CTSC: variants seen among roughly 807,000 people sequenced by gnomAD.
The protein encoded by CTSC is dipeptidyl peptidase 1.
In CTSC, 37 loss-of-function variants were observed where a neutral mutation model predicts 40.9. The observed-to-expected ratio is 0.91, with a 90% CI of 0.70 to 1.19. The LOEUF (loss-of-function observed/expected upper bound fraction) is 1.19, where lower values mean the gene tolerates loss of function less well. Ranked by LOEUF, CTSC falls within the 50% of genes most tolerant of loss-of-function variation. CTSC has a pLI of 0.00. For synonymous variants in CTSC, 232 were observed against 207.4 expected (o/e 1.12, Z -1.02); for missense variants, 594 against 567.3 (o/e 1.05, Z -0.48).
intron 5 of CTSC, among the ~76,000 whole-genome samples, 198 bp downstream of exon 5, chr11:88,300,332 G>T (rs1188308232): frequency 6.6e-6 from 1 of 152,196 alleles, no homozygotes; most frequent in African/African-American, 2.4e-5. Context: ...GCTAAGCTCA[G>T]TAGAAAAGAA....
At chr11:88,307,556 C>CTTTT (rs5793311) in intron 4 of CTSC, among the ~76,000 whole-genome samples, 124 of 73,434 alleles carry the variant, frequency 1.7e-3, no homozygotes, top group East Asian at 3.3e-3. Flanking sequence ...ATACTGATAA[C>CTTTT]TTTTTTTTTT....
At chr11:88,336,892 A>G (rs1376996809) in intron 1 of CTSC, among the ~76,000 whole-genome samples, 2 of 152,220 alleles carry the variant, frequency 1.3e-5, no homozygotes, top group African/African-American at 2.4e-5. Flanking sequence ...GACTCTGGGC[A>G]TTTCTAATTA....
intron 1 of CTSC, 143 bp downstream of exon 1, chr11:88,337,358 C>T: frequency 1.2e-6 from 1 of 832,946 alleles, no homozygotes; most frequent in Non-Finnish European, 2.0e-6. Flanking sequence ...GGAAGAAGGT[C>T]CCCAAGGGTC....
intron 4 of CTSC, among the ~76,000 whole-genome samples, chr11:88,304,759 G>T (rs960138934): frequency 1.3e-5 from 2 of 152,164 alleles, no homozygotes; most frequent in Non-Finnish European, 2.9e-5. Flanking sequence ...GTGACCTCTG[G>T]TCTTCCTCAC....
chr11:88,309,905 T>C (rs916277248), intron 3 of CTSC, among the ~76,000 whole-genome samples: 1 of 151,890 alleles, frequency 6.6e-6, no homozygotes, highest in African/African-American at 2.4e-5. Flanking sequence ...TGGCATGAGA[T>C]GCCAAGCTTT....
chr11:88,333,248 A>G (rs1938409048), intron 2 of CTSC, among the ~76,000 whole-genome samples: 1 of 152,220 alleles, frequency 6.6e-6, no homozygotes, highest in Non-Finnish European at 1.5e-5. Context: ...TTAAGAATCA[A>G]AAGTTTTCTA....
chr11:88,302,659 T>C (rs1591224019), intron 4 of CTSC, among the ~76,000 whole-genome samples: 1 of 133,488 alleles, frequency 7.5e-6, no homozygotes, highest in African/African-American at 2.8e-5. Context: ...AAAGAATACA[T>C]GACAAAATGG....
intron 2 of CTSC, chr11:88,323,737 C>T (rs961759100): frequency 2.0e-5 from 3 of 152,048 alleles, no homozygotes; most frequent in Non-Finnish European, 2.9e-5. Context: ...AGGAGAACTA[C>T]AAACCACTAC....
rs768800426 is a variant in CTSC, at chr11:88,293,993, T to G, written c.*13A>C. 1.2e-6 allele frequency: 2 copies of G among 1,613,666 alleles called. No individual in the cohort carries two copies. The highest frequency in any genetic ancestry group is 1.7e-6 in the Non-Finnish European group (2 of 1,179,914). ...ACTGATGCAGATCATTATGAAATAC[T>G]GGAAGGCATACCCTACAATTTAGGA... On this transcript the variant is annotated 3_prime_UTR_variant, in exon 7 of 7. Transcript: ENST00000227266.
intron 2 of CTSC, among the ~76,000 whole-genome samples, chr11:88,333,261 T>C (rs1431018241): frequency 6.6e-6 from 1 of 152,206 alleles, no homozygotes; most frequent in Non-Finnish European, 1.5e-5. Context: ...GTTTTCTAAG[T>C]CAAAAGAATA....
rs1565264501 is a variant in CTSC, at chr11:88,329,720, G to A, written c.318+5217C>T. Among the ~76,000 whole-genome samples the A allele has an allele frequency of 2.0e-5, 3 of 152,064 alleles. No individual in the cohort carries two copies. The South Asian group carries it at 6.2e-4, about 32-fold the overall frequency. On this transcript the variant is annotated intron_variant, in intron 2 of 6. Transcript: ENST00000227266. ...ATTCTGTTTCGTGTTGTTACATTGT[G>A]TGTGTGTGTGTTTTGTTTTGTTTGG... is the stretch of plus-strand genomic sequence containing the variant.
chr11:88,300,429 T>C (rs1460297187), intron 5 of CTSC, 101 bp downstream of exon 5: 1 of 747,950 alleles, frequency 1.3e-6, no homozygotes. Flanking sequence ...AAGGGGATCA[T>C]GCCCATTCCA....
Position 88,296,215 on chromosome 11 carries a change from CGCTTCTAGCATACCCATAGAA to C in CTSC, c.786_806del (p.Ser263_Ala269del). 6.2e-7 allele frequency: 1 copy of C among 1,613,992 alleles called. No homozygotes were observed. Among genetic ancestry groups the C allele is most frequent in the Non-Finnish European group, 8.5e-7 (1 of 1,179,932 alleles). The stretch of plus-strand genomic sequence containing the variant: ...AATTGTTGGTTAGTATACGGATTCT[CGCTTCTAGCATACCCATAGAA>C]GCAAATGAGTAGCAGCTGCCACAGG... On this transcript the variant is annotated inframe_deletion, in exon 6 of 7. Coordinates refer to ENST00000227266, the MANE Select transcript of CTSC (RefSeq NM_001814.6).
At chr11:88,323,323 G>A (rs1434520840) in intron 2 of CTSC, 1 of 152,066 alleles carries the variant, frequency 6.6e-6, no homozygotes, top group East Asian at 1.9e-4. Flanking sequence ...ATACTGAATG[G>A]GCAAAAGCTG....
intron 2 of CTSC, among the ~76,000 whole-genome samples, chr11:88,318,839 G>A (rs1937932928): frequency 2.6e-5 from 4 of 152,168 alleles, no homozygotes; most frequent in Non-Finnish European, 5.9e-5. Flanking sequence ...CTGGGAGGTG[G>A]AGATTGCAGT....
At position 88,307,902 on chromosome 11, in the gene CTSC, T is replaced by C. The variant is rs184863975; in HGVS notation, c.641+1261A>G. Reference sequence around the variant, plus strand: ...AGAACTGATTATCAAGACAGGGAAATTGCAATAGAAAATGAGTTTAATTCA... The same window carrying C: ...AGAACTGATTATCAAGACAGGGAAACTGCAATAGAAAATGAGTTTAATTCA... On this transcript the variant is annotated intron_variant, in intron 4 of 6. Transcript: ENST00000227266. 3.3e-5 allele frequency among the ~76,000 whole-genome samples: 5 copies of C among 152,088 alleles called. No individual in the cohort carries two copies. In the East Asian group the frequency reaches 7.7e-4, roughly 24 times the overall value.
chr11:88,315,911 A>C (rs1003147892), intron 2 of CTSC, among the ~76,000 whole-genome samples: 88 of 152,138 alleles, frequency 5.8e-4, no homozygotes, highest in Non-Finnish European at 3.2e-4. Context: ...ATTTCTTTCT[A>C]ATGAAGAAAA....
intron 2 of CTSC, among the ~76,000 whole-genome samples, chr11:88,315,088 T>G (rs75754040): frequency 6.6e-6 from 1 of 152,318 alleles, no homozygotes; most frequent in South Asian, 2.1e-4. Context: ...GGTAACTTTA[T>G]AGGATGCAAC....
intron 1 of CTSC, among the ~76,000 whole-genome samples, chr11:88,337,175 G>C (rs1938519712): frequency 6.6e-6 from 1 of 152,166 alleles, no homozygotes; most frequent in Non-Finnish European, 1.5e-5. Context: ...AACGCTACCA[G>C]ATCGGACTGG....
Sources: allele counts gnomAD v4.1 joint callset (sites outside exome capture counted in the v4.1 genomes callset), GRCh38; gene constraint gnomAD v4.1.1; transcripts MANE v1.5; gene names NCBI Gene and HGNC (gene_info 2026-07-23, HGNC 2026-07-21).